RNF216: variants seen among roughly 807,000 people sequenced by gnomAD.
RNF216 encodes ring finger protein 216, also known as E3 ubiquitin-protein ligase RNF216.
Under a neutral mutation model 110.8 loss-of-function variants are expected in RNF216, and 72 were observed. The observed-to-expected ratio is 0.65, with a 90% CI of 0.54 to 0.79. The LOEUF (loss-of-function observed/expected upper bound fraction) is 0.79. Ranked by LOEUF, RNF216 falls within the 30% of genes least tolerant of loss-of-function variation. RNF216 has a pLI of 0.00. For synonymous variants in RNF216, 495 were observed against 407.5 expected (o/e 1.21, Z -2.59); for missense variants, 1,342 against 1,141.2 (o/e 1.18, Z -2.54).
intron 3 of RNF216, among the ~76,000 whole-genome samples, chr7:5,747,746 C>CAAAAAAAAAAA: frequency 1.4e-4 from 1 of 7,014 alleles, no homozygotes; most frequent in Non-Finnish European, 2.4e-4. Flanking sequence ...GACTCCATCT[C>CAAAAAAAAAAA]AAAAAAAAAA....
chr7:5,778,428 T>G (rs995219132), intron 1 of RNF216, among the ~76,000 whole-genome samples: 2 of 152,216 alleles, frequency 1.3e-5, no homozygotes, highest in East Asian at 3.8e-4. Context: ...ACCTCATTTC[T>G]TCAAAGTACT....
At chr7:5,692,586 G>A (rs577446897) in intron 13 of RNF216, among the ~76,000 whole-genome samples, 4 of 152,336 alleles carry the variant, frequency 2.6e-5, no homozygotes, top group Non-Finnish European at 2.9e-5. Flanking sequence ...CAGAAGGCGA[G>A]CGAGGAGAAA....
At chr7:5,658,824 G>C (rs1788914702) in intron 13 of RNF216, among the ~76,000 whole-genome samples, 1 of 152,094 alleles carries the variant, frequency 6.6e-6, no homozygotes, top group Middle Eastern at 3.4e-3. Context: ...ACATACGCTG[G>C]GGGTGTCCTC....
chr7:5,776,606 A>T (rs1796791261), intron 1 of RNF216, among the ~76,000 whole-genome samples: 1 of 150,340 alleles, frequency 6.7e-6, no homozygotes, highest in Non-Finnish European at 1.5e-5. Flanking sequence ...AAAAAAAAAA[A>T]AAAAAAAAGA....
chr7:5,754,164 G>GCA (rs1258038439), intron 2 of RNF216, among the ~76,000 whole-genome samples: 15 of 143,442 alleles, frequency 1.0e-4, no homozygotes, highest in Non-Finnish European at 1.2e-4. Context: ...GTGTGTGTGC[G>GCA]CATTTGTCTG....
chr7:5,716,632 G>A (rs1398615163), intron 10 of RNF216, 84 bp downstream of exon 10: 2 of 1,133,762 alleles, frequency 1.8e-6, no homozygotes, highest in Non-Finnish European at 2.6e-6. Context: ...AAACAAATTT[G>A]CCATCAAAAA....
chr7:5,697,285 C>T (rs186348016), intron 13 of RNF216, among the ~76,000 whole-genome samples: 2 of 152,378 alleles, frequency 1.3e-5, no homozygotes, highest in Admixed American at 1.3e-4. Flanking sequence ...ATCACTCTCT[C>T]ATCCCACTGA....
chr7:5,698,408 CACACACAT>C (rs952479442), intron 13 of RNF216, among the ~76,000 whole-genome samples: 7 of 147,652 alleles, frequency 4.7e-5, no homozygotes, highest in South Asian at 2.1e-4. Context: ...CACACACACA[CACACACAT>C]ACACACACAC....
chr7:5,774,746 C>T (rs991788743), intron 1 of RNF216, among the ~76,000 whole-genome samples: 4 of 146,180 alleles, frequency 2.7e-5, no homozygotes, highest in African/African-American at 1.0e-4. Flanking sequence ...CTTTATTTTC[C>T]CATTCCAAGT....
intron 12 of RNF216, 152 bp downstream of exon 12, chr7:5,712,563 A>T (rs1792778341): frequency 1.3e-6 from 1 of 741,126 alleles, no homozygotes; most frequent in African/African-American, 1.8e-5. Context: ...AATAAAAATA[A>T]ATAAGTAAAA....
chr7:5,628,456 A>C (rs1021561093), intron 15 of RNF216, among the ~76,000 whole-genome samples: 5 of 152,110 alleles, frequency 3.3e-5, no homozygotes, highest in Admixed American at 3.3e-4. Flanking sequence ...ACAACTTAAA[A>C]GTTTTTTTTC....
intron 13 of RNF216, among the ~76,000 whole-genome samples, chr7:5,695,411 G>A (rs772701134): frequency 3.6e-4 from 55 of 152,158 alleles, no homozygotes; most frequent in Non-Finnish European, 7.1e-4. Flanking sequence ...GCGCCACATC[G>A]CCTTCCTCTC....
chr7:5,737,536 AT>A (rs1794494459), intron 5 of RNF216, among the ~76,000 whole-genome samples: 2 of 151,080 alleles, frequency 1.3e-5, no homozygotes, highest in African/African-American at 4.9e-5. Flanking sequence ...AATAATAATA[AT>A]AATAATAATA....
chr7:5,637,384 T>G (rs1479835919), intron 15 of RNF216, among the ~76,000 whole-genome samples: 1 of 152,156 alleles, frequency 6.6e-6, no homozygotes, highest in Non-Finnish European at 1.5e-5. Context: ...TTTCACTGGG[T>G]CATAAGCTTT....
At position 5,712,873 on chromosome 7, in the gene RNF216, G is replaced by A; in HGVS notation, c.1834-10C>T. On this transcript the variant is annotated splice_polypyrimidine_tract_variant and intron_variant, in intron 11 of 16. Transcript: ENST00000389902. ...TGCAGCTGAGCTCCAACTAGAAAAA[G>A]GCGAAAAGGCAAAGAAAAAAAAATC... 2 of 1,592,502 alleles carry A rather than the reference G, an allele frequency of 1.3e-6. No homozygotes were observed. The highest frequency in any genetic ancestry group is 8.5e-7 in the Non-Finnish European group (1 of 1,172,828).
chr7:5,704,599 C>T (rs774328665), intron 13 of RNF216, among the ~76,000 whole-genome samples: 1 of 152,208 alleles, frequency 6.6e-6, no homozygotes, highest in Admixed American at 6.5e-5. Flanking sequence ...CTGACACATA[C>T]TTTTCAAACA....
At chr7:5,777,710 T>C (rs1170989319) in intron 1 of RNF216, 3 of 152,212 alleles carry the variant, frequency 2.0e-5, no homozygotes, top group African/African-American at 7.2e-5. Flanking sequence ...GGACAAAATA[T>C]GGTAAAATAA....
chr7:5,634,609 G>A (rs1787285054), intron 15 of RNF216, among the ~76,000 whole-genome samples: 1 of 152,210 alleles, frequency 6.6e-6, no homozygotes, highest in Admixed American at 6.5e-5. Context: ...CGGGCTCAGG[G>A]CTGGCCCTGG....
chr7:5,638,658 G>A (rs1348955075), intron 15 of RNF216, among the ~76,000 whole-genome samples: 1 of 142,998 alleles, frequency 7.0e-6, no homozygotes, highest in Non-Finnish European at 1.5e-5. Context: ...TTGGGGGGGA[G>A]ACAGGGTCTT....
Sources: gnomAD v4.1 joint callset for allele counts (sites outside exome capture counted in the v4.1 genomes callset) on GRCh38, gnomAD v4.1.1 for gene constraint, MANE v1.5 for transcripts, NCBI Gene and HGNC (gene_info 2026-07-23, HGNC 2026-07-21) for gene names.